The following LRRC4C variants were observed in gnomAD, a reference collection of about 807,000 sequenced individuals.
The protein encoded by LRRC4C is leucine-rich repeat-containing protein 4C.
Under a neutral mutation model 33.6 loss-of-function variants are expected in LRRC4C, and 5 were observed. That is an observed-to-expected ratio of 0.15 (90% confidence interval 0.08 to 0.31). LRRC4C has a LOEUF of 0.31. LRRC4C is among the 10% of genes least tolerant of loss of function. The pLI, the probability that LRRC4C is intolerant of heterozygous loss-of-function variation, is 1.00. For missense variants in LRRC4C, 560 were observed against 796.7 expected (o/e 0.70, Z 3.58); for synonymous variants, 329 against 302.0 (o/e 1.09, Z -0.93).
At chr11:40,480,709 A>G (rs1318502708) in intron 3 of LRRC4C, among the ~76,000 whole-genome samples, 1 of 152,126 alleles carries the variant, frequency 6.6e-6, no homozygotes, top group Non-Finnish European at 1.5e-5. Flanking sequence ...CACGCAATAG[A>G]ATATACACAT....
At chr11:40,617,976 C>A (rs2135933749) in intron 3 of LRRC4C, among the ~76,000 whole-genome samples, 1 of 151,726 alleles carries the variant, frequency 6.6e-6, no homozygotes, top group Admixed American at 6.6e-5. Flanking sequence ...CAAATTTCCA[C>A]CTCTCCCTTG....
At chr11:40,637,265 T>C (rs1182942255) in intron 3 of LRRC4C, among the ~76,000 whole-genome samples, 1 of 152,188 alleles carries the variant, frequency 6.6e-6, no homozygotes, top group Non-Finnish European at 1.5e-5. Context: ...CCCTCCTTTG[T>C]ATGTGAAATA....
chr11:40,614,571 T>G (rs1372777539), intron 3 of LRRC4C, among the ~76,000 whole-genome samples: 1 of 151,790 alleles, frequency 6.6e-6, no homozygotes, highest in Non-Finnish European at 1.5e-5. Context: ...CAACGACTTT[T>G]TTTTTTCTAT....
At chr11:40,334,535 G>A (rs1946510021) in intron 3 of LRRC4C, among the ~76,000 whole-genome samples, 1 of 152,122 alleles carries the variant, frequency 6.6e-6, no homozygotes, top group African/African-American at 2.4e-5. Flanking sequence ...ATCTCATTAG[G>A]TGTGTGTACT....
intron 1 of LRRC4C, among the ~76,000 whole-genome samples, chr11:41,215,414 T>A (rs1305042535): frequency 6.9e-6 from 1 of 144,630 alleles, no homozygotes; most frequent in Non-Finnish European, 1.5e-5. Flanking sequence ...CTTGAACCCA[T>A]GAGCAGAAGG....
chr11:40,669,553 A>C (rs915482920), intron 2 of LRRC4C, among the ~76,000 whole-genome samples: 1 of 152,208 alleles, frequency 6.6e-6, no homozygotes, highest in African/African-American at 2.4e-5. Flanking sequence ...TCCTATTGGT[A>C]ATCTGTTCTG....
At chr11:40,928,526 C>A (rs1957485894) in intron 2 of LRRC4C, among the ~76,000 whole-genome samples, 1 of 151,870 alleles carries the variant, frequency 6.6e-6, no homozygotes, top group African/African-American at 2.4e-5. Context: ...TCTATTATCT[C>A]TTTCATTAAG....
intron 2 of LRRC4C, among the ~76,000 whole-genome samples, chr11:40,738,106 A>G (rs10837490): frequency 0.39 from 59,642 of 152,064 alleles, 12,323 homozygotes; most frequent in Middle Eastern, 0.48. Flanking sequence ...ATCTGACCAA[A>G]ACAAGCAATG....
At chr11:41,265,457 CT>C (rs1305628266) in intron 1 of LRRC4C, among the ~76,000 whole-genome samples, 10 of 152,214 alleles carry the variant, frequency 6.6e-5, no homozygotes, top group African/African-American at 2.4e-4. Flanking sequence ...GTCAAGGCAT[CT>C]GCCTTCAAAA....
chr11:41,212,475 ACATGTGCCATGG>A (rs1565483714), intron 1 of LRRC4C, among the ~76,000 whole-genome samples: 2 of 152,326 alleles, frequency 1.3e-5, no homozygotes, highest in African/African-American at 2.4e-5. Context: ...ACATAGGTAA[ACATGTGCCATGG>A]CATGTGCCAT....
intron 2 of LRRC4C, among the ~76,000 whole-genome samples, chr11:40,861,906 T>A (rs1379025511): frequency 6.6e-6 from 1 of 152,150 alleles, no homozygotes; most frequent in Non-Finnish European, 1.5e-5. Context: ...CTCATTACAA[T>A]GGGGAGGAGC....
At chr11:41,219,889 T>C (rs1205574797) in intron 1 of LRRC4C, among the ~76,000 whole-genome samples, 1 of 152,158 alleles carries the variant, frequency 6.6e-6, no homozygotes, top group Non-Finnish European at 1.5e-5. Context: ...CTGAGCATTC[T>C]CAGAATCTGA....
intron 2 of LRRC4C, among the ~76,000 whole-genome samples, chr11:40,884,744 C>T (rs1955356320): frequency 6.6e-6 from 1 of 152,028 alleles, no homozygotes; most frequent in Non-Finnish European, 1.5e-5. Flanking sequence ...GTATACAATA[C>T]TTCGCAATTT....
chr11:40,762,189 G>A (rs182156635), intron 2 of LRRC4C, among the ~76,000 whole-genome samples: 12 of 152,204 alleles, frequency 7.9e-5, no homozygotes, highest in Admixed American at 2.6e-4. Flanking sequence ...GGCTAATGAC[G>A]TGGCCTGTGG....
At chr11:41,303,417 G>A (rs1279629944) in intron 1 of LRRC4C, among the ~76,000 whole-genome samples, 1 of 130,626 alleles carries the variant, frequency 7.7e-6, no homozygotes, top group Non-Finnish European at 1.6e-5. Flanking sequence ...GGAGTGCAGG[G>A]GCGTGATCTC....
intron 2 of LRRC4C, among the ~76,000 whole-genome samples, chr11:40,657,802 C>T (rs1005836192): frequency 6.6e-6 from 1 of 152,176 alleles, no homozygotes; most frequent in Admixed American, 6.5e-5. Context: ...GGTCCTCAAC[C>T]TTGGCAAAAT....
chr11:41,443,089 A>ATTTTTTTTTTTTTTTTTTTTTCTT, intron 1 of LRRC4C, among the ~76,000 whole-genome samples: 1 of 105,994 alleles, frequency 9.4e-6, no homozygotes, highest in Non-Finnish European at 1.8e-5. Context: ...TGTTTGCTTC[A>ATTTTTTTTTTTTTTTTTTTTTCTT]TTTTTTTTTT....
intron 2 of LRRC4C, among the ~76,000 whole-genome samples, chr11:40,682,199 A>G (rs1452350984): frequency 6.6e-6 from 1 of 151,762 alleles, no homozygotes; most frequent in Admixed American, 6.6e-5. Flanking sequence ...GAGCCTGGGA[A>G]GTTAAGGCTG....
chr11:40,633,710 C>T (rs536454255), intron 3 of LRRC4C, among the ~76,000 whole-genome samples: 1 of 152,098 alleles, frequency 6.6e-6, no homozygotes, highest in South Asian at 2.1e-4. Context: ...TTTCTAAGCT[C>T]CAGTTACCTC....
Sources: gnomAD v4.1 joint callset for allele counts (sites outside exome capture counted in the v4.1 genomes callset) on GRCh38, gnomAD v4.1.1 for gene constraint, MANE v1.5 for transcripts, NCBI Gene and HGNC (gene_info 2026-07-23, HGNC 2026-07-21) for gene names.